The following ABCG2 variants were observed in gnomAD, a reference collection of about 807,000 sequenced individuals.
The protein encoded by ABCG2 is broad substrate specificity ATP-binding cassette transporter ABCG2.
A neutral mutation model predicts 73.5 loss-of-function variants in ABCG2; 80 were observed. The observed-to-expected ratio is 1.09, with a 90% CI of 0.91 to 1.31. The LOEUF (loss-of-function observed/expected upper bound fraction) is 1.31, where lower values mean the gene tolerates loss of function less well. ABCG2 is among the 50% of genes most tolerant of loss of function. ABCG2 has a pLI of 0.00. For missense variants in ABCG2, 796 were observed against 786.2 expected, an observed-to-expected ratio of 1.01 and a Z score of -0.15; for synonymous variants, 269 against 282.4, an observed-to-expected ratio of 0.95 and a Z score of 0.48.
intron 1 of ABCG2, among the ~76,000 whole-genome samples, chr4:88,180,700 C>G (rs1728201552): frequency 6.6e-6 from 1 of 152,220 alleles, no homozygotes; most frequent in Non-Finnish European, 1.5e-5. Flanking sequence ...TTGCAGTGAG[C>G]TGAGATCATG....
At chr4:88,119,166 C>T (rs1413433708) in intron 6 of ABCG2, among the ~76,000 whole-genome samples, 1 of 152,160 alleles carries the variant, frequency 6.6e-6, no homozygotes, top group African/African-American at 2.4e-5. Context: ...TGGGAGTTCC[C>T]CTGCACAAGC....
chr4:88,188,264 A>T (rs994314396), intron 1 of ABCG2, among the ~76,000 whole-genome samples: 2 of 152,148 alleles, frequency 1.3e-5, no homozygotes, highest in Admixed American at 6.6e-5. Context: ...GTCTTGGCAC[A>T]TTTGTTGAAA....
At chr4:88,132,180 A>G (rs1560697222) in intron 3 of ABCG2, among the ~76,000 whole-genome samples, 1 of 152,240 alleles carries the variant, frequency 6.6e-6, no homozygotes, top group Non-Finnish European at 1.5e-5. Flanking sequence ...GATCAAGTAC[A>G]GATCTCCCAA....
chr4:88,101,326 T>A lies in ABCG2; in HGVS notation c.1278-7A>T. 1 of 1,613,624 alleles carries A rather than the reference T, an allele frequency of 6.2e-7. No homozygotes were observed. Among genetic ancestry groups the A allele is most frequent in the Non-Finnish European group, 8.5e-7 (1 of 1,179,622 alleles). On this transcript the variant is annotated splice_polypyrimidine_tract_variant and splice_region_variant and intron_variant, in intron 10 of 15. Coordinates refer to ENST00000237612, the MANE Select transcript of ABCG2 (RefSeq NM_004827.3). The stretch of plus-strand genomic sequence containing the variant: ...GAAGAAGAGAACCCCAGCTCTGCCA[T>A]GAAAAGGGGAACCAAATCACCGCAG...
At chr4:88,201,258 A>T (rs1052352012) in intron 1 of ABCG2, among the ~76,000 whole-genome samples, 1 of 151,870 alleles carries the variant, frequency 6.6e-6, no homozygotes, top group Non-Finnish European at 1.5e-5. Context: ...TATCAGAAAT[A>T]AAAAAAGTAG....
At chr4:88,102,347 C>T (rs562109568) in intron 10 of ABCG2, among the ~76,000 whole-genome samples, 13 of 152,120 alleles carry the variant, frequency 8.5e-5, no homozygotes, top group Middle Eastern at 3.2e-3. Context: ...CCTGTAATCT[C>T]GGCACTATGG....
At chr4:88,131,261 TC>T (rs1381068868) in intron 4 of ABCG2, 48 bp from the exon 5 acceptor site, 1 of 1,577,608 alleles carries the variant, frequency 6.3e-7, no homozygotes, top group African/African-American at 1.3e-5. Context: ...ATGAGTCTTT[TC>T]TAAGACCATG....
chr4:88,217,476 T>G (rs1578286469), intron 1 of ABCG2, among the ~76,000 whole-genome samples: 1 of 151,996 alleles, frequency 6.6e-6, no homozygotes, highest in African/African-American at 2.4e-5. Context: ...GCCTGGCCAA[T>G]ATGGCGAAAC....
At chr4:88,108,477 A>G (rs1179075777) in intron 9 of ABCG2, among the ~76,000 whole-genome samples, 2 of 152,186 alleles carry the variant, frequency 1.3e-5, no homozygotes, top group Non-Finnish European at 1.5e-5. Flanking sequence ...GGTTGCAGCG[A>G]GCCAAGATCA....
chr4:88,163,233 C>T (rs1275664460), upstream of ABCG2, among the ~76,000 whole-genome samples: 1 of 152,126 alleles, frequency 6.6e-6, no homozygotes, highest in Non-Finnish European at 1.5e-5. Context: ...ACTAATATGG[C>T]AAGAGAAAGT....
chr4:88,179,468 A>G (rs1330414344), intron 1 of ABCG2, among the ~76,000 whole-genome samples: 1 of 152,200 alleles, frequency 6.6e-6, no homozygotes, highest in African/African-American at 2.4e-5. Flanking sequence ...CCCAGACTAC[A>G]ATAAATACTT....
At chr4:88,192,863 C>G (rs1378589146) in intron 1 of ABCG2, among the ~76,000 whole-genome samples, 1 of 151,914 alleles carries the variant, frequency 6.6e-6, no homozygotes, top group African/African-American at 2.4e-5. Flanking sequence ...AAGCACCCAC[C>G]ACCTTGCCCA....
upstream of ABCG2, chr4:88,159,365 C>A (rs1421471147): frequency 8.3e-6 from 3 of 360,924 alleles, no homozygotes; most frequent in Non-Finnish European, 1.7e-5. Flanking sequence ...TGGATGCTTG[C>A]GCCCCAGGGC....
intron 1 of ABCG2, among the ~76,000 whole-genome samples, chr4:88,202,138 C>T (rs1478975521): frequency 6.6e-6 from 1 of 151,680 alleles, no homozygotes; most frequent in African/African-American, 2.4e-5. Flanking sequence ...ATCAATGGCA[C>T]TATTCCATGG....
At chr4:88,124,451 TAAAG>T (rs1424976238) in intron 5 of ABCG2, among the ~76,000 whole-genome samples, 2 of 151,918 alleles carry the variant, frequency 1.3e-5, no homozygotes, top group Non-Finnish European at 2.9e-5. Flanking sequence ...AGGCTCAAAA[TAAAG>T]AGATGGAGGA....
At position 88,092,335 on chromosome 4, in the gene ABCG2, G is replaced by C. The variant is rs779282143; in HGVS notation, c.1867C>G (p.Pro623Ala). 54 of 1,613,538 alleles carry C rather than the reference G, an allele frequency of 3.3e-5. No homozygotes were observed. The highest frequency in any genetic ancestry group is 1.6e-4 in the Middle Eastern group (1 of 6,084). The change falls in exon 16 of 16, where the codon CCC becomes GCC. Residue 623 changes from proline to alanine, a missense_variant. Coordinates refer to ENST00000237612, the MANE Select transcript of ABCG2 (RefSeq NM_004827.3). ...YLVKQGIDLS[P>A]WGLWKNHVAL... Reference sequence around the variant, plus strand: ...ACGTGATTCTTCCACAAGCCCCAGGGTGAGAGATCGATGCCCTGCTTTACC... The same window carrying C: ...ACGTGATTCTTCCACAAGCCCCAGGCTGAGAGATCGATGCCCTGCTTTACC...
At chr4:88,230,900 T>C (rs1274713686) in intron 1 of ABCG2, 1 of 152,166 alleles carries the variant, frequency 6.6e-6, no homozygotes, top group Non-Finnish European at 1.5e-5. Context: ...GAAGTACCAA[T>C]TTAAGTGACA....
intron 12 of ABCG2, 63 bp from the exon 13 acceptor site, chr4:88,097,670 C>G: frequency 6.5e-7 from 1 of 1,527,470 alleles, no homozygotes; most frequent in Non-Finnish European, 8.9e-7. Context: ...TTTGGGATTG[C>G]TTATTGTGCA....
chr4:88,126,089 A>C (rs972535686), intron 5 of ABCG2, among the ~76,000 whole-genome samples: 2 of 152,226 alleles, frequency 1.3e-5, no homozygotes, highest in African/African-American at 4.8e-5. Flanking sequence ...AATAATGATA[A>C]AGGGGATATA....
Sources: gnomAD v4.1 joint callset for allele counts (sites outside exome capture counted in the v4.1 genomes callset) on GRCh38, gnomAD v4.1.1 for gene constraint, MANE v1.5 for transcripts, NCBI Gene and HGNC (gene_info 2026-07-23, HGNC 2026-07-21) for gene names.